CRY1: variants seen among roughly 807,000 people sequenced by gnomAD.
The protein encoded by CRY1 is cryptochrome-1.
In CRY1, 45 loss-of-function variants were observed where a neutral mutation model predicts 76.0. That is an observed-to-expected ratio of 0.59 (90% CI 0.47 to 0.76). CRY1 has a LOEUF of 0.76. Ranked by LOEUF, CRY1 falls within the 30% of genes least tolerant of loss-of-function variation. The pLI is 0.00. For missense variants in CRY1, 587 were observed against 716.4 expected (o/e 0.82, Z 2.06); for synonymous variants, 248 against 244.0 (o/e 1.02, Z -0.15).
intron 1 of CRY1, among the ~76,000 whole-genome samples, chr12:107,056,005 G>C (rs1219903485): frequency 6.6e-6 from 1 of 152,132 alleles, no homozygotes; most frequent in Admixed American, 6.6e-5. Context: ...TCTCCCTAAA[G>C]AGTTGGCAAG....
chr12:107,093,046 T>G lies in CRY1; in HGVS notation c.-85A>C. The G allele has an allele frequency of 4.3e-6, 6 of 1,406,716 alleles. No individual in the cohort carries two copies. The highest frequency in any genetic ancestry group is 5.6e-6 in the Non-Finnish European group (6 of 1,076,652). The allele number at this position is 1,406,716 out of a possible 1,614,324, so 87.1% of individuals were successfully genotyped here. On this transcript the variant is annotated 5_prime_UTR_variant, in exon 1 of 13. Coordinates refer to ENST00000008527, the MANE Select transcript of CRY1 (RefSeq NM_004075.5). ...GCCGACACCTTCGCTTCCAAGAGAA[T>G]TGCCTCACCCGGGGCGTGAGGAAAG...
intron 1 of CRY1, among the ~76,000 whole-genome samples, chr12:107,077,653 T>C (rs553476392): frequency 6.6e-6 from 1 of 152,280 alleles, no homozygotes; most frequent in Admixed American, 6.5e-5. Context: ...TCTATATATT[T>C]TATTTATTTA....
chr12:106,998,226 T>A (rs1156411109), intron 7 of CRY1, among the ~76,000 whole-genome samples, 160 bp from the exon 8 acceptor site: 1 of 152,208 alleles, frequency 6.6e-6, no homozygotes, highest in African/African-American at 2.4e-5. Context: ...TGTTCTATAA[T>A]GAGCTCTTCC....
intron 3 of CRY1, 90 bp from the exon 4 acceptor site, chr12:107,002,038 A>G (rs1256275888): frequency 2.7e-6 from 3 of 1,095,508 alleles, no homozygotes; most frequent in Non-Finnish European, 3.9e-6. Context: ...AAAGCAGAAA[A>G]TAAAATTAAT....
chr12:107,025,361 A>G (rs1016316718), intron 1 of CRY1, among the ~76,000 whole-genome samples: 2 of 152,206 alleles, frequency 1.3e-5, no homozygotes, highest in Non-Finnish European at 2.9e-5. Context: ...ATAGTTTCAT[A>G]GTACTTCATT....
intron 1 of CRY1, among the ~76,000 whole-genome samples, chr12:107,080,767 T>C (rs752651854): frequency 4.3e-4 from 66 of 152,124 alleles, no homozygotes; most frequent in Middle Eastern, 3.4e-3. Context: ...ATGCCTTAGT[T>C]TGGATTGGGT....
At chr12:107,003,112 C>T (rs1020973064) in intron 3 of CRY1, among the ~76,000 whole-genome samples, 1 of 152,082 alleles carries the variant, frequency 6.6e-6, no homozygotes, top group East Asian at 1.9e-4. Context: ...TTCCTATTTT[C>T]TATTGTGCTA....
At chr12:107,061,376 CT>C (rs879367958) in intron 1 of CRY1, among the ~76,000 whole-genome samples, 538 of 141,230 alleles carry the variant, frequency 3.8e-3, no homozygotes, top group Admixed American at 4.2e-3. Context: ...CTAATACAGT[CT>C]TTTTTTTTTT....
Position 107,092,940 on chromosome 12 carries a change from A to C in CRY1, c.22T>G (p.Trp8Gly). Residue 8 changes from tryptophan (W) to glycine (G), a missense_variant, in exon 1 of 13, where the codon TGG (tryptophan) becomes GGG (glycine). By Grantham distance (184) the Trp-to-Gly change is radical (BLOSUM62 -2). Coordinates refer to ENST00000008527, the MANE Select transcript of CRY1 (RefSeq NM_004075.5). MGVNAVH[W>G]FRKGLRLHDN... ...TGGAGCCGGAGCCCCTTTCGGAACC[A>C]GTGCACGGCGTTCACCCCCATGCCG... The C allele has an allele frequency of 6.3e-7, 1 of 1,592,742 alleles. No homozygotes were observed. The highest frequency in any genetic ancestry group is 8.5e-7 in the Non-Finnish European group (1 of 1,170,692).
intron 2 of CRY1, among the ~76,000 whole-genome samples, chr12:107,006,771 C>T (rs948937548): frequency 1.3e-5 from 2 of 151,558 alleles, no homozygotes; most frequent in South Asian, 4.2e-4. Flanking sequence ...CCTGCCTCAG[C>T]CTCCCGAGTA....
intron 1 of CRY1, among the ~76,000 whole-genome samples, chr12:107,058,319 A>G (rs1953009165): frequency 6.6e-6 from 1 of 152,164 alleles, no homozygotes; most frequent in South Asian, 2.1e-4. Flanking sequence ...CGCTTCAATA[A>G]GAAACTTTAA....
At chr12:107,079,388 G>GA (rs1229316139) in intron 1 of CRY1, among the ~76,000 whole-genome samples, 2 of 151,808 alleles carry the variant, frequency 1.3e-5, no homozygotes, top group African/African-American at 4.9e-5. Flanking sequence ...CAGAATAAGT[G>GA]AAGTTCAGAG....
chr12:107,035,302 T>C (rs1952722305), intron 1 of CRY1, among the ~76,000 whole-genome samples: 1 of 152,256 alleles, frequency 6.6e-6, no homozygotes, highest in Non-Finnish European at 1.5e-5. Flanking sequence ...TAGTCACTTA[T>C]GCAATCTATC....
intron 2 of CRY1, 68 bp from the exon 3 acceptor site, chr12:107,005,316 G>C (rs1008382892): frequency 2.0e-6 from 3 of 1,477,380 alleles, no homozygotes; most frequent in Non-Finnish European, 2.7e-6. Context: ...ATAACGAAAA[G>C]TGAAAAAGCT....
At chr12:107,022,715 A>C (rs1952572336) in intron 1 of CRY1, among the ~76,000 whole-genome samples, 1 of 151,968 alleles carries the variant, frequency 6.6e-6, no homozygotes. Flanking sequence ...TAATATTGTA[A>C]TCATTTAAGA....
intron 1 of CRY1, among the ~76,000 whole-genome samples, chr12:107,026,483 C>G (rs35703408): frequency 6.6e-6 from 1 of 152,106 alleles, no homozygotes; most frequent in Admixed American, 6.6e-5. Flanking sequence ...ATCCACCTGC[C>G]TCAGCCTCCC....
intron 1 of CRY1, among the ~76,000 whole-genome samples, chr12:107,084,162 T>C (rs1953364422): frequency 6.6e-6 from 1 of 152,152 alleles, no homozygotes; most frequent in Non-Finnish European, 1.5e-5. Context: ...TACAAACCAC[T>C]GCTCAAAGAA....
chr12:107,072,794 C>T lies in CRY1; in HGVS notation c.158+20010G>A, dbSNP rs115779729. The T allele has an allele frequency of 6.9e-3, 1,048 of 152,264 alleles. 18 individuals are homozygous for T. The highest frequency in any genetic ancestry group is 0.024 in the African/African-American group (1,005 of 41,560). 9.4% of individuals were successfully genotyped at this position (152,264 alleles called of 1,614,324 possible). A position where few individuals can be genotyped will look rare whatever the true frequency, so the allele number is the denominator to read the frequency against. On this transcript the variant is annotated intron_variant, in intron 1 of 12. Transcript: ENST00000008527. ...TCTTATCTTCTTATGGGTGATATTA[C>T]ACAGACACTTTCTTCGTATCATTTG...
At chr12:107,042,448 T>C (rs778784473) in intron 1 of CRY1, among the ~76,000 whole-genome samples, 1 of 152,168 alleles carries the variant, frequency 6.6e-6, no homozygotes, top group Non-Finnish European at 1.5e-5. Context: ...GACATACCGA[T>C]ACCACATATC....
Sources: allele counts gnomAD v4.1 joint callset (sites outside exome capture counted in the v4.1 genomes callset), GRCh38; gene constraint gnomAD v4.1.1; transcripts MANE v1.5; gene names NCBI Gene and HGNC (gene_info 2026-07-23, HGNC 2026-07-21).